The following VAV2 variants were observed in gnomAD, a reference collection of about 807,000 sequenced individuals.
VAV2 encodes the protein vav guanine nucleotide exchange factor 2.
VAV2 carries 67 observed loss-of-function variants against 132.5 expected under a neutral mutation model. The ratio of observed to expected loss-of-function variants is 0.51; its 90% confidence interval spans 0.42 to 0.62. The LOEUF (loss-of-function observed/expected upper bound fraction) is 0.62, where lower values mean the gene tolerates loss of function less well. Among genes scored for constraint, VAV2 ranks in the 20% least tolerant of loss-of-function variants. The pLI, the probability that VAV2 is intolerant of heterozygous loss-of-function variation, is 0.00. For synonymous variants in VAV2, 492 were observed against 443.5 expected (o/e 1.11, Z -1.37); for missense variants, 938 against 1,153.6 (o/e 0.81, Z 2.71).
intron 11 of VAV2, among the ~76,000 whole-genome samples, 160 bp from the exon 12 acceptor site, chr9:133,795,896 C>T (rs1834694263): frequency 6.6e-6 from 1 of 152,218 alleles, no homozygotes; most frequent in South Asian, 2.1e-4. Context: ...CACCAAAGGA[C>T]AGAGAGTGAC....
At chr9:133,866,994 T>G (rs1241047448) in intron 2 of VAV2, among the ~76,000 whole-genome samples, 1 of 152,046 alleles carries the variant, frequency 6.6e-6, no homozygotes, top group Non-Finnish European at 1.5e-5. Context: ...ACTCTCAGCC[T>G]CCCTGAGCCT....
intron 2 of VAV2, among the ~76,000 whole-genome samples, chr9:133,875,849 A>G (rs12341506): frequency 0.1 from 15,153 of 152,276 alleles, 2,155 homozygotes; most frequent in African/African-American, 0.32. Context: ...GCTGGGCAGC[A>G]TTTCCAGAGG....
At chr9:133,806,646 G>A (rs1056035268) in intron 8 of VAV2, among the ~76,000 whole-genome samples, 14 of 152,212 alleles carry the variant, frequency 9.2e-5, no homozygotes, top group Non-Finnish European at 1.9e-4. Flanking sequence ...AAGCTCTGGG[G>A]TCCAAGCCAG....
chr9:133,947,855 T>C (rs1588155214), intron 1 of VAV2, among the ~76,000 whole-genome samples: 1 of 147,128 alleles, frequency 6.8e-6, no homozygotes, highest in Non-Finnish European at 1.5e-5. Flanking sequence ...AGTGGCGTGA[T>C]CTCGGCTCAC....
At chr9:133,859,783 T>C (rs938256495) in intron 3 of VAV2, among the ~76,000 whole-genome samples, 4 of 152,194 alleles carry the variant, frequency 2.6e-5, no homozygotes, top group South Asian at 2.1e-4. Flanking sequence ...CCAGAAATGA[T>C]ACTTTTAAAA....
At chr9:133,846,496 C>T (rs1342604874) in intron 3 of VAV2, among the ~76,000 whole-genome samples, 1 of 152,230 alleles carries the variant, frequency 6.6e-6, no homozygotes, top group Admixed American at 6.5e-5. Flanking sequence ...GAGGCCACTG[C>T]CCTGCTGGAA....
At chr9:133,783,360 C>A in intron 19 of VAV2, 143 bp downstream of exon 19, 1 of 742,756 alleles carries the variant, frequency 1.3e-6, no homozygotes. Context: ...CTGGTGTCTG[C>A]TCTGGGGCAC....
Position 133,961,633 on chromosome 9 carries a change from C to T in VAV2, c.205-22414G>A, listed in dbSNP as rs907949620. Among the ~76,000 whole-genome samples the T allele has an allele frequency of 2.6e-5, 4 of 152,222 alleles. No homozygotes were observed. Among genetic ancestry groups the T allele is most frequent in the Non-Finnish European group, 4.4e-5 (3 of 68,044 alleles). On this transcript the variant is annotated intron_variant, in intron 1 of 29. Coordinates refer to ENST00000371850, the MANE Select transcript of VAV2 (RefSeq NM_001134398.2). This position sits in a 1 kb window ranked among gnomAD's most constrained non-coding sequence, Gnocchi z 4.1. ...TGGTTTGGGAGGCCCAGCCCAGGTG[C>T]TCCAGTCCCCAGAGCACGCATAAGC... is the stretch of plus-strand genomic sequence containing the variant.
At position 133,823,288 on chromosome 9, in the gene VAV2, T is replaced by C. The variant is rs1476865580; in HGVS notation, c.449+10984A>G. Among the ~76,000 whole-genome samples, 1 of 152,222 alleles carries C rather than the reference T, an allele frequency of 6.6e-6. No individual in the cohort carries two copies. The highest frequency in any genetic ancestry group is 1.9e-4 in the East Asian group (1 of 5,196). ...GGAAAGTTGGTGGCAGAGACTGTCC[T>C]GCTGTCCTTTCTAAGCATCTGGTGA... On this transcript the variant is annotated intron_variant, in intron 4 of 29. Coordinates refer to ENST00000371850, the MANE Select transcript of VAV2 (RefSeq NM_001134398.2). This position sits in a 1 kb window ranked among gnomAD's most constrained non-coding sequence, Gnocchi z 5.5.
At chr9:133,915,298 G>A (rs901088180) in intron 2 of VAV2, among the ~76,000 whole-genome samples, 2 of 152,088 alleles carry the variant, frequency 1.3e-5, no homozygotes, top group African/African-American at 2.4e-5. Flanking sequence ...GTGGTTTCAC[G>A]ACTACACTTT....
intron 1 of VAV2, among the ~76,000 whole-genome samples, chr9:133,963,154 T>A (rs1482267923): frequency 1.3e-5 from 2 of 152,186 alleles, no homozygotes; most frequent in African/African-American, 2.4e-5. Flanking sequence ...CCGGCAGAAC[T>A]CGGGGTCGAA....
At chr9:133,787,296 G>C (rs1834266103) in intron 15 of VAV2, 36 bp from the exon 16 acceptor site, 1 of 1,563,782 alleles carries the variant, frequency 6.4e-7, no homozygotes, top group African/African-American at 1.4e-5. Flanking sequence ...GGGGAAGACG[G>C]TCAGTGAGAG....
At chr9:133,949,085 C>T (rs1022522250) in intron 1 of VAV2, among the ~76,000 whole-genome samples, 6 of 152,194 alleles carry the variant, frequency 3.9e-5, no homozygotes, top group Non-Finnish European at 8.8e-5. Flanking sequence ...TGGGGAGAAA[C>T]ATGCTCCTCC....
intron 4 of VAV2, among the ~76,000 whole-genome samples, chr9:133,829,132 G>C (rs1836165407): frequency 6.6e-6 from 1 of 152,242 alleles, no homozygotes; most frequent in Non-Finnish European, 1.5e-5. Flanking sequence ...GGAACGAAAA[G>C]GGAAGCGCAG....
In VAV2 at chr9:133,797,725, G is replaced by C; in HGVS notation, c.921C>G (p.Phe307Leu). 6.2e-7 allele frequency: 1 copy of C among 1,614,010 alleles called. No individual in the cohort carries two copies. The highest frequency in any genetic ancestry group is 1.1e-5 in the South Asian group (1 of 91,028). Reference sequence around the variant, plus strand: ...CAGGACTTACCTCGACTTTCTGCCTGAAGTCCTCCCGGCTGGCCAGGAGCT... The same window carrying C: ...CAGGACTTACCTCGACTTTCTGCCTCAAGTCCTCCCGGCTGGCCAGGAGCT... ...LNQLLASRED[F>L]RQKVEECTLK... The change falls in exon 10 of 30, where the codon TTC (phenylalanine) becomes TTG (leucine). Residue 307 changes from phenylalanine (F) to leucine (L), a missense_variant. Phe to Leu is a conservative substitution (Grantham distance 22). Coordinates refer to ENST00000371850, the MANE Select transcript of VAV2 (RefSeq NM_001134398.2).
At chr9:133,917,792 C>A (rs981519972) in intron 2 of VAV2, among the ~76,000 whole-genome samples, 9 of 152,202 alleles carry the variant, frequency 5.9e-5, no homozygotes. Context: ...CCGAACAGAT[C>A]CCAGAGAGAG....
intron 2 of VAV2, among the ~76,000 whole-genome samples, chr9:133,938,637 G>C (rs1841015153): frequency 6.6e-6 from 1 of 152,000 alleles, no homozygotes. Context: ...GCTTGTCCCG[G>C]GGTAACCGAG....
At position 133,912,202 on chromosome 9, in the gene VAV2, G is replaced by A. The variant is rs376054545; in HGVS notation, c.321+26901C>T. 6.6e-6 allele frequency among the ~76,000 whole-genome samples: 1 copy of A among 152,204 alleles called. No individual in the cohort carries two copies. Among genetic ancestry groups the A allele is most frequent in the Non-Finnish European group, 1.5e-5 (1 of 68,042 alleles). ...GCTACAGTCCCGGCCTCCAACACAC[G>A]TGGGAGAAGGGCTGACAACCAGGAG... is the stretch of plus-strand genomic sequence containing the variant. On this transcript the variant is annotated intron_variant, in intron 2 of 29. Transcript: ENST00000371850. This position sits in a 1 kb window ranked among gnomAD's most constrained non-coding sequence, Gnocchi z 4.3.
rs1833760989 is a variant in VAV2, at chr9:133,774,928, C to A, written c.2135+7G>T. 1 of 1,609,618 alleles carries A rather than the reference C, an allele frequency of 6.2e-7. No homozygotes were observed. The highest frequency in any genetic ancestry group is 1.3e-5 in the African/African-American group (1 of 74,914). On this transcript the variant is annotated splice_region_variant and intron_variant, in intron 25 of 29. Transcript: ENST00000371850. The stretch of plus-strand genomic sequence containing the variant: ...TGGGTCTCCTCGAGCCCAGAGCCGC[C>A]ACTTACTTGATGCTTATTGCAAAGC...
Sources: gnomAD v4.1 joint callset for allele counts (sites outside exome capture counted in the v4.1 genomes callset) on GRCh38, gnomAD v4.1.1 for gene constraint, Gnocchi (gnomAD v3.1) non-coding constraint, MANE v1.5 for transcripts, NCBI Gene and HGNC (gene_info 2026-07-23, HGNC 2026-07-21) for gene names.